The following KDM4A variants were observed in gnomAD, a reference collection of about 807,000 sequenced individuals.
KDM4A encodes the protein lysine-specific demethylase 4A.
KDM4A carries 23 observed loss-of-function variants against 127.1 expected under a neutral mutation model. The observed-to-expected ratio is 0.18, with a 90% CI of 0.13 to 0.26. The LOEUF (loss-of-function observed/expected upper bound fraction) is 0.26, where lower values mean the gene tolerates loss of function less well. KDM4A is among the 10% of genes least tolerant of loss of function. The probability of loss-of-function intolerance (pLI) is 1.00; values close to 1 mark genes in which losing one functional copy is unlikely to be tolerated. For synonymous variants in KDM4A, 443 were observed against 466.5 expected (o/e 0.95, Z 0.65); for missense variants, 890 against 1,329.1 (o/e 0.67, Z 5.14).
intron 1 of KDM4A, among the ~76,000 whole-genome samples, chr1:43,652,043 T>A (rs578179190): frequency 2.6e-5 from 4 of 152,378 alleles, no homozygotes; most frequent in Non-Finnish European, 5.9e-5. Flanking sequence ...ATGTTACTAA[T>A]ATCAAAGTAC....
At position 43,677,689 on chromosome 1, in the gene KDM4A, G is replaced by A. The variant is rs139299460; in HGVS notation, c.1734+5814G>A. On this transcript the variant is annotated intron_variant, in intron 11 of 21. Transcript: ENST00000372396. ...TGATGTTTTGGAAGATTGTTCTGGA[G>A]GCAGTATAAAGATTTTGAGGGGGAG... is the stretch of plus-strand genomic sequence containing the variant. 3.9e-5 allele frequency among the ~76,000 whole-genome samples: 6 copies of A among 152,226 alleles called. No homozygotes were observed. The East Asian group carries it at 1.2e-3, about 29-fold the overall frequency.
intron 19 of KDM4A, among the ~76,000 whole-genome samples, chr1:43,700,789 A>G (rs140719964): frequency 0.02 from 3,062 of 152,284 alleles, 46 homozygotes; most frequent in Middle Eastern, 0.041. Flanking sequence ...TGTTAACACT[A>G]AAACCCATTG....
chr1:43,657,007 G>T (rs1174467342), intron 3 of KDM4A, among the ~76,000 whole-genome samples: 1 of 151,968 alleles, frequency 6.6e-6, no homozygotes, highest in Non-Finnish European at 1.5e-5. Context: ...GGCTCAAAAT[G>T]ATCCTCCTTG....
chr1:43,671,984 C>A, intron 11 of KDM4A, 109 bp downstream of exon 11: 1 of 1,264,266 alleles, frequency 7.9e-7, no homozygotes, highest in Non-Finnish European at 1.0e-6. Context: ...GGAGGTGCTG[C>A]AGGAGGGCAG....
chr1:43,689,270 C>T (rs1463231771), intron 13 of KDM4A, among the ~76,000 whole-genome samples, 175 bp downstream of exon 13: 2 of 152,252 alleles, frequency 1.3e-5, no homozygotes, highest in Non-Finnish European at 2.9e-5. Flanking sequence ...AACCCAGCAA[C>T]GTGGGTTTCA....
intron 4 of KDM4A, among the ~76,000 whole-genome samples, chr1:43,661,530 C>T (rs924951621): frequency 2.1e-5 from 3 of 140,962 alleles, no homozygotes; most frequent in Admixed American, 7.4e-5. Flanking sequence ...GGTGTGAACC[C>T]GGCGGGAGGC....
intron 3 of KDM4A, among the ~76,000 whole-genome samples, chr1:43,660,080 C>T (rs1043028205): frequency 2.6e-5 from 4 of 152,222 alleles, no homozygotes; most frequent in African/African-American, 9.6e-5. Flanking sequence ...CGGTTTACAT[C>T]TGTGTGTACA....
rs1244112001 is a variant in KDM4A at position 43,704,353 on chromosome 1, C to T, written c.3178C>T (p.Arg1060Trp). The part of the protein sequence containing the change: ...REDYIEPALY[R>W]AIME ...AGATTATATTGAGCCTGCACTATAC[C>T]GGGCCATCATGGAGTAGGTGCTTCC... The change falls in exon 22 of 22, where the codon CGG (arginine) becomes TGG (tryptophan). Residue 1060 changes from arginine to tryptophan, a missense_variant. Coordinates refer to ENST00000372396, the MANE Select transcript of KDM4A (RefSeq NM_014663.3). 4 of 1,613,390 alleles carry T rather than the reference C, an allele frequency of 2.5e-6. No individual in the cohort carries two copies. Among genetic ancestry groups the T allele is most frequent in the South Asian group, 1.1e-5 (1 of 91,028 alleles).
intron 12 of KDM4A, among the ~76,000 whole-genome samples, chr1:43,686,848 T>C (rs756160017): frequency 2.3e-4 from 35 of 152,246 alleles, no homozygotes; most frequent in Non-Finnish European, 4.6e-4. Flanking sequence ...ATGCACACAT[T>C]TTAACTGTAC....
intron 5 of KDM4A, among the ~76,000 whole-genome samples, chr1:43,664,568 T>C (rs1466897565): frequency 6.6e-6 from 1 of 152,190 alleles, no homozygotes; most frequent in East Asian, 1.9e-4. Context: ...TCAGGTCTTT[T>C]TTCAGCATCT....
intron 18 of KDM4A, among the ~76,000 whole-genome samples, chr1:43,695,548 G>A (rs1010321390): frequency 5.3e-5 from 8 of 152,226 alleles, no homozygotes; most frequent in Admixed American, 1.3e-4. Context: ...GGCGGACAAC[G>A]GCAGAGGATG....
At chr1:43,690,695 A>G (rs773168056) in intron 13 of KDM4A, 150 bp from the exon 14 acceptor site, 58 of 760,504 alleles carry the variant, frequency 7.6e-5, no homozygotes, top group Non-Finnish European at 1.2e-4. Flanking sequence ...GGTAACTTCA[A>G]TTAGCAGCTC....
intron 11 of KDM4A, among the ~76,000 whole-genome samples, chr1:43,677,668 G>C (rs1447722380): frequency 6.6e-6 from 1 of 152,164 alleles, no homozygotes; most frequent in Non-Finnish European, 1.5e-5. Flanking sequence ...CTGCACTGAT[G>C]TTTTGGAAGA....
At chr1:43,683,852 A>C in intron 12 of KDM4A, 48 bp downstream of exon 12, 3 of 1,607,228 alleles carry the variant, frequency 1.9e-6, no homozygotes, top group Non-Finnish European at 2.6e-6. Flanking sequence ...TCACCACATT[A>C]GACTTGACAG....
At chr1:43,661,608 CAAAAAAAAAAAAAAAAAA>C (rs34131801) in intron 4 of KDM4A, among the ~76,000 whole-genome samples, 1 of 40,854 alleles carries the variant, frequency 2.4e-5, no homozygotes, top group Non-Finnish European at 3.8e-5. Context: ...GACTCTGTCT[CAAAAAAAAAAAAAAAAAA>C]AAAAAAAAAA....
chr1:43,696,913 C>CA (rs3838464), intron 18 of KDM4A, among the ~76,000 whole-genome samples: 38,626 of 152,048 alleles, frequency 0.25, 5,174 homozygotes, highest in Non-Finnish European at 0.3. Context: ...TTGAACAAGA[C>CA]AAAAAAGTCC....
chr1:43,670,650 G>A (rs1403973741), intron 10 of KDM4A, among the ~76,000 whole-genome samples: 2 of 139,850 alleles, frequency 1.4e-5, no homozygotes, highest in Non-Finnish European at 3.0e-5. Context: ...TGCAACCTCC[G>A]CCTCCCGGGT....
Position 43,671,560 on chromosome 1 carries a change from AGAGGAGGAT to A in KDM4A, c.1428_1436del (p.Asp476_Glu478del), listed in dbSNP as rs776369325. ...AAGAGCTTAAAAATGTCAAACTAGA[AGAGGAGGAT>A]GAGGAGGAAGAACAAGCAGCAGCTG... On this transcript the variant is annotated inframe_deletion, in exon 11 of 22. Transcript: ENST00000372396. 2.5e-6 allele frequency: 4 copies of A among 1,601,018 alleles called. No homozygotes were observed. The South Asian group carries it at 3.4e-5, about 13-fold the overall frequency.
intron 11 of KDM4A, among the ~76,000 whole-genome samples, chr1:43,681,886 T>C (rs887928544): frequency 6.7e-6 from 1 of 148,404 alleles, no homozygotes; most frequent in Admixed American, 6.7e-5. Context: ...GGGTACATGC[T>C]CCTAAATTTT....
Sources: gnomAD v4.1 joint callset for allele counts (sites outside exome capture counted in the v4.1 genomes callset) on GRCh38, gnomAD v4.1.1 for gene constraint, MANE v1.5 for transcripts, NCBI Gene and HGNC (gene_info 2026-07-23, HGNC 2026-07-21) for gene names.